NRF1: variants seen among roughly 807,000 people sequenced by gnomAD.
NRF1 encodes alpha palindromic-binding protein.
NRF1 carries 5 observed loss-of-function variants against 58.5 expected under a neutral mutation model. The observed-to-expected ratio is 0.09, with a 90% CI of 0.04 to 0.18. The LOEUF is 0.18. NRF1 is among the 10% of genes least tolerant of loss of function. The probability of loss-of-function intolerance (pLI) is 1.00; values close to 1 mark genes in which losing one functional copy is unlikely to be tolerated. For synonymous variants in NRF1, 224 were observed against 246.7 expected (o/e 0.91, Z 0.86); for missense variants, 288 against 657.7 (o/e 0.44, Z 6.15).
chr7:129,709,256 T>C (rs766092965), intron 6 of NRF1, 23 bp downstream of exon 6: 4 of 1,419,528 alleles, frequency 2.8e-6, no homozygotes, highest in Non-Finnish European at 3.7e-6. Flanking sequence ...CTGACTGAGT[T>C]GCCTGGTTGC....
intron 2 of NRF1, among the ~76,000 whole-genome samples, chr7:129,660,221 G>A (rs1011498682): frequency 2.0e-5 from 3 of 152,030 alleles, no homozygotes; most frequent in African/African-American, 7.3e-5. Flanking sequence ...ACAACATGTG[G>A]GAATTATGAG....
Position 129,679,820 on chromosome 7 carries a change from G to T in NRF1, c.465+2062G>T, listed in dbSNP as rs562757462. On this transcript the variant is annotated intron_variant, in intron 4 of 10. Transcript: ENST00000393232. ...CGCCTGTAATCCTAGCACTTTGGGA[G>T]GCCAAGGTGGGTAGATCACTTGAAG... Among the ~76,000 whole-genome samples, 5 of 151,590 alleles carry T rather than the reference G, an allele frequency of 3.3e-5. No homozygotes were observed. The East Asian group carries it at 9.9e-4, about 30-fold the overall frequency.
intron 10 of NRF1, among the ~76,000 whole-genome samples, chr7:129,728,493 AAC>A (rs1803503974): frequency 2.0e-5 from 3 of 151,166 alleles, no homozygotes; most frequent in African/African-American, 7.3e-5. Context: ...AAAAAAAAAA[AAC>A]CAATCCTGGA....
At chr7:129,663,971 G>A (rs922447264) in intron 2 of NRF1, among the ~76,000 whole-genome samples, 3 of 152,150 alleles carry the variant, frequency 2.0e-5, no homozygotes, top group Non-Finnish European at 4.4e-5. Flanking sequence ...CCAAAAATAC[G>A]AAAACCAGTC....
intron 6 of NRF1, 119 bp downstream of exon 6, chr7:129,709,352 C>G (rs1584661482): frequency 1.4e-6 from 1 of 730,494 alleles, no homozygotes; most frequent in African/African-American, 1.8e-5. Flanking sequence ...AAGCCTGTCC[C>G]TCCAAAGACT....
At chr7:129,626,531 C>G (rs1044889130) in intron 1 of NRF1, among the ~76,000 whole-genome samples, 1 of 152,206 alleles carries the variant, frequency 6.6e-6, no homozygotes, top group Non-Finnish European at 1.5e-5. Flanking sequence ...AGGGCACCCT[C>G]TAACATATTA....
intron 2 of NRF1, among the ~76,000 whole-genome samples, chr7:129,667,935 T>A (rs1324084636): frequency 6.6e-6 from 1 of 152,004 alleles, no homozygotes; most frequent in Non-Finnish European, 1.5e-5. Flanking sequence ...TGCCTGGTTT[T>A]AAATTTTTTT....
chr7:129,749,743 A>G (rs1804068995), intron 10 of NRF1, among the ~76,000 whole-genome samples: 1 of 152,022 alleles, frequency 6.6e-6, no homozygotes, highest in Non-Finnish European at 1.5e-5. Context: ...AGACTCCCAA[A>G]TCAAAGGCCT....
intron 1 of NRF1, among the ~76,000 whole-genome samples, chr7:129,652,811 C>T (rs371281475): frequency 6.6e-6 from 1 of 152,162 alleles, no homozygotes; most frequent in African/African-American, 2.4e-5. Context: ...CCAGGATGGT[C>T]TCGATCTCCT....
intron 1 of NRF1, among the ~76,000 whole-genome samples, chr7:129,650,363 G>A (rs1445343965): frequency 6.6e-6 from 1 of 151,992 alleles, no homozygotes; most frequent in East Asian, 1.9e-4. Context: ...TTCATTTTGT[G>A]CACTGTTGTG....
At chr7:129,657,696 A>G in intron 2 of NRF1, 122 bp downstream of exon 2, 2 of 643,058 alleles carry the variant, frequency 3.1e-6, no homozygotes, top group South Asian at 4.1e-5. Context: ...TGCAGCCTTG[A>G]TCTTCCGGGT....
At chr7:129,671,729 G>A (rs1346576273) in intron 3 of NRF1, among the ~76,000 whole-genome samples, 186 bp downstream of exon 3, 1 of 152,172 alleles carries the variant, frequency 6.6e-6, no homozygotes, top group Non-Finnish European at 1.5e-5. Flanking sequence ...TAACAGATAC[G>A]TAATATCACA....
chr7:129,645,238 A>G (rs540607834), intron 1 of NRF1, among the ~76,000 whole-genome samples: 2 of 152,316 alleles, frequency 1.3e-5, no homozygotes, highest in South Asian at 2.1e-4. Flanking sequence ...ATTTTCCTTC[A>G]TTTGACAGAT....
intron 1 of NRF1, among the ~76,000 whole-genome samples, chr7:129,636,042 A>G (rs1041544035): frequency 6.6e-6 from 1 of 152,158 alleles, no homozygotes; most frequent in Non-Finnish European, 1.5e-5. Context: ...TTTTTCTCGT[A>G]TCTTTAAAAG....
chr7:129,744,250 A>G, intron 10 of NRF1: 2 of 1,547,496 alleles, frequency 1.3e-6, no homozygotes. Context: ...CTTTGGGGAA[A>G]GAAGGAAGCA....
chr7:129,642,906 A>G (rs1014957212), intron 1 of NRF1, among the ~76,000 whole-genome samples: 2 of 151,794 alleles, frequency 1.3e-5, no homozygotes, highest in African/African-American at 4.8e-5. Flanking sequence ...GACTACAGGC[A>G]TGCACTACCA....
intron 10 of NRF1, among the ~76,000 whole-genome samples, chr7:129,738,175 C>T (rs1375101232): frequency 6.6e-6 from 1 of 152,244 alleles, no homozygotes; most frequent in African/African-American, 2.4e-5. Flanking sequence ...TGTATTACAA[C>T]TGTTTCTCCT....
At chr7:129,612,308 G>A (rs1213133659) in intron 1 of NRF1, among the ~76,000 whole-genome samples, 2 of 112,884 alleles carry the variant, frequency 1.8e-5, no homozygotes, top group Non-Finnish European at 3.9e-5. Flanking sequence ...GGGCGGGCGG[G>A]CGGGCGGCGC....
intron 4 of NRF1, among the ~76,000 whole-genome samples, chr7:129,688,721 G>A (rs1338264831): frequency 5.3e-5 from 8 of 152,082 alleles, no homozygotes; most frequent in East Asian, 1.9e-4. Flanking sequence ...AGACAGGTGC[G>A]GAGAGGGAAT....
Sources: gnomAD v4.1 joint callset for allele counts (sites outside exome capture counted in the v4.1 genomes callset) on GRCh38, gnomAD v4.1.1 for gene constraint, MANE v1.5 for transcripts, NCBI Gene and HGNC (gene_info 2026-07-23, HGNC 2026-07-21) for gene names.